The following MCOLN3 variants were observed in gnomAD, a reference collection of about 807,000 sequenced individuals.
The protein encoded by MCOLN3 is mucolipin-3.
MCOLN3 carries 62 observed loss-of-function variants against 69.4 expected under a neutral mutation model. The observed-to-expected ratio is 0.89, with a 90% CI of 0.73 to 1.10. The LOEUF is 1.10. Among genes scored for constraint, MCOLN3 ranks in the 50% least tolerant of loss-of-function variants. The pLI is 0.00. For synonymous variants in MCOLN3, 183 were observed against 217.0 expected (o/e 0.84, Z 1.38); for missense variants, 564 against 656.4 (o/e 0.86, Z 1.54).
chr1:85,042,409 A>G (rs1653116779), intron 2 of MCOLN3, among the ~76,000 whole-genome samples: 2 of 152,254 alleles, frequency 1.3e-5, no homozygotes, highest in Admixed American at 6.5e-5. Flanking sequence ...CACACATATC[A>G]TCACTCTGCA....
intron 7 of MCOLN3, among the ~76,000 whole-genome samples, chr1:85,028,472 T>C (rs1652333874): frequency 6.6e-6 from 1 of 152,232 alleles, no homozygotes; most frequent in African/African-American, 2.4e-5. Flanking sequence ...TCCAGTACGA[T>C]GTACCATTAT....
chr1:85,019,255 T>C lies in MCOLN3; in HGVS notation c.1530A>G (p.Gln510=), dbSNP rs201904896. ...LITDTYETIK[Q]YQQDGFPETE... is the part of the protein sequence containing the mutation. ...TCTCTGGGAAGCCATCTTGTTGGTA[T>C]TGCTAAACAGAAGAATGTTAAAAAG... Residue 510 remains glutamine, a splice_region_variant and synonymous_variant, in exon 13 of 13, where the codon CAA becomes CAG. Coordinates refer to ENST00000370589, the MANE Select transcript of MCOLN3 (RefSeq NM_018298.11). 2.2e-5 allele frequency: 35 copies of C among 1,610,736 alleles called. No individual in the cohort carries two copies. The highest frequency in any genetic ancestry group is 1.1e-4 in the South Asian group (10 of 89,998).
At chr1:85,044,445 C>T (rs949070935) in intron 2 of MCOLN3, among the ~76,000 whole-genome samples, 6 of 152,130 alleles carry the variant, frequency 3.9e-5, no homozygotes, top group Non-Finnish European at 8.8e-5. Flanking sequence ...CTATTTTGCC[C>T]TTTGCTTTTA....
chr1:85,032,375 A>C (rs1652581753), intron 6 of MCOLN3, among the ~76,000 whole-genome samples: 1 of 152,194 alleles, frequency 6.6e-6, no homozygotes, highest in South Asian at 2.1e-4. Flanking sequence ...CTGAGAGCCA[A>C]CCACACAGAA....
At chr1:85,027,721 A>T (rs1244863835) in intron 7 of MCOLN3, among the ~76,000 whole-genome samples, 1 of 152,188 alleles carries the variant, frequency 6.6e-6, no homozygotes, top group African/African-American at 2.4e-5. Context: ...GGAAGGCCTC[A>T]CTGAGGGAGC....
At chr1:85,040,001 C>T (rs1005664612) in intron 3 of MCOLN3, among the ~76,000 whole-genome samples, 7 of 151,988 alleles carry the variant, frequency 4.6e-5, no homozygotes, top group Non-Finnish European at 8.8e-5. Context: ...TATCCCACTC[C>T]CCGCCACCCC....
intron 2 of MCOLN3, among the ~76,000 whole-genome samples, chr1:85,043,404 C>T (rs996284388): frequency 5.3e-5 from 8 of 152,052 alleles, no homozygotes; most frequent in African/African-American, 1.9e-4. Context: ...GTGGTGTGTG[C>T]CTGTAATCCC....
chr1:85,045,069 C>T (rs1653273603), intron 2 of MCOLN3, 64 bp downstream of exon 2: 1 of 1,282,500 alleles, frequency 7.8e-7, no homozygotes, highest in East Asian at 2.4e-5. Flanking sequence ...AAAAAAACCA[C>T]TGTCCATAGT....
intron 9 of MCOLN3, 120 bp downstream of exon 9, chr1:85,025,819 T>C (rs1430166502): frequency 9.7e-7 from 1 of 1,029,230 alleles, no homozygotes; most frequent in East Asian, 2.6e-5. Context: ...CAATTTCAAG[T>C]CTACTTGATA....
Position 85,032,747 on chromosome 1 carries a change from CAG to C in MCOLN3, c.679_680del (p.Leu227AlafsTer10). The stretch of plus-strand genomic sequence containing the variant: ...GGAGTTCTTGATGACGAACTGTCTG[CAG>C]ATTAATGGCTTTCAGTTTAAACTGA... ...ELQFKLKAIN[L>X]QTVRHQELPD... On this transcript the variant is annotated frameshift_variant, in exon 6 of 13. Transcript: ENST00000370589. LOFTEE classifies it high-confidence loss of function. The C allele has an allele frequency of 2.5e-6, 4 of 1,614,024 alleles. No homozygotes were observed. In the South Asian group the frequency reaches 4.4e-5, roughly 18 times the overall value.
At chr1:85,043,292 G>A (rs990561693) in intron 2 of MCOLN3, among the ~76,000 whole-genome samples, 1 of 152,136 alleles carries the variant, frequency 6.6e-6, no homozygotes, top group Non-Finnish European at 1.5e-5. Context: ...CACTTTGGGA[G>A]GCCTAGGTGG....
chr1:85,047,986 G>A (rs1450092822), intron 1 of MCOLN3, among the ~76,000 whole-genome samples: 2 of 152,186 alleles, frequency 1.3e-5, no homozygotes, highest in Admixed American at 6.5e-5. Flanking sequence ...CGCCTTGAAA[G>A]GGGCCAGCCG....
chr1:85,019,084 A>C lies in MCOLN3; in HGVS notation c.*39T>G, dbSNP rs1345646858. The stretch of plus-strand genomic sequence containing the variant: ...ATCCACAGTGTTCCAACTCAGCTAC[A>C]CATTATATTTTCCTCTAAAGTACAG... On this transcript the variant is annotated 3_prime_UTR_variant, in exon 13 of 13. Coordinates refer to ENST00000370589, the MANE Select transcript of MCOLN3 (RefSeq NM_018298.11). The C allele has an allele frequency of 1.3e-6, 2 of 1,593,050 alleles. No homozygotes were observed. The highest frequency in any genetic ancestry group is 1.7e-6 in the Non-Finnish European group (2 of 1,164,678).
chr1:85,024,675 G>A (rs1252518501), intron 9 of MCOLN3: 1 of 152,166 alleles, frequency 6.6e-6, no homozygotes, highest in Non-Finnish European at 1.5e-5. Context: ...ACGGTGAATG[G>A]TCTAGAAAGA....
intron 9 of MCOLN3, chr1:85,023,225 C>T (rs2102917443): frequency 6.6e-6 from 1 of 151,880 alleles, no homozygotes; most frequent in African/African-American, 2.4e-5. Flanking sequence ...GGATTACAGA[C>T]ACATGCCACC....
At chr1:85,042,713 G>A (rs1653132470) in intron 2 of MCOLN3, among the ~76,000 whole-genome samples, 1 of 152,132 alleles carries the variant, frequency 6.6e-6, no homozygotes, top group African/African-American at 2.4e-5. Context: ...CCAGGTAGTG[G>A]GAAAAGAGAA....
chr1:85,035,264 T>C (rs1468579528), intron 3 of MCOLN3, among the ~76,000 whole-genome samples: 1 of 152,212 alleles, frequency 6.6e-6, no homozygotes, highest in Non-Finnish European at 1.5e-5. Flanking sequence ...GGCCTATCTT[T>C]GGGTTCAGGC....
At chr1:85,033,388 C>A (rs776559096) in intron 4 of MCOLN3, among the ~76,000 whole-genome samples, 2 of 151,882 alleles carry the variant, frequency 1.3e-5, no homozygotes, top group African/African-American at 4.8e-5. Context: ...AATAGACATC[C>A]CACACACACA....
rs543782730 is a variant in MCOLN3 at position 85,024,154 on chromosome 1, G to A, written c.1096-1754C>T. On this transcript the variant is annotated intron_variant, in intron 9 of 12. Transcript: ENST00000370589. The stretch of plus-strand genomic sequence containing the variant: ...AGCCTGGGCAATAGAGTGAAATCCT[G>A]TCTCTTAAAAAAAACAGGTGGGGGA... Among the ~76,000 whole-genome samples, 10 of 151,576 alleles carry A rather than the reference G, an allele frequency of 6.6e-5. No homozygotes were observed. The South Asian group carries it at 2.1e-3, about 32-fold the overall frequency.
Sources: allele counts gnomAD v4.1 joint callset (sites outside exome capture counted in the v4.1 genomes callset), GRCh38; gene constraint gnomAD v4.1.1; transcripts MANE v1.5; gene names NCBI Gene and HGNC (gene_info 2026-07-23, HGNC 2026-07-21).